The following POLD3 variants were observed in gnomAD, a reference collection of about 807,000 sequenced individuals.
POLD3 encodes the protein DNA polymerase delta subunit 3.
A neutral mutation model predicts 58.2 loss-of-function variants in POLD3; 19 were observed. The ratio of observed to expected loss-of-function variants is 0.33; its 90% CI spans 0.23 to 0.48. The LOEUF is 0.48. Among genes scored for constraint, POLD3 ranks in the 20% least tolerant of loss-of-function variants. POLD3 has a pLI of 0.99. For synonymous variants in POLD3, 172 were observed against 193.5 expected (o/e 0.89, Z 0.92); for missense variants, 504 against 545.5 (o/e 0.92, Z 0.76).
chr11:74,596,187 T>C (rs1227538911), intron 2 of POLD3, among the ~76,000 whole-genome samples: 4 of 139,732 alleles, frequency 2.9e-5, no homozygotes, highest in Admixed American at 2.2e-4. Flanking sequence ...TTTTTTTTTC[T>C]TTTTTTTTTT....
intron 4 of POLD3, among the ~76,000 whole-genome samples, chr11:74,665,258 A>G (rs935051143): frequency 6.0e-5 from 9 of 148,972 alleles, no homozygotes; most frequent in Non-Finnish European, 1.3e-4. Flanking sequence ...CAGGAAGCGG[A>G]GGTTGCAGTG....
At chr11:74,649,578 C>T (rs1565132718) in intron 4 of POLD3, among the ~76,000 whole-genome samples, 1 of 152,128 alleles carries the variant, frequency 6.6e-6, no homozygotes, top group Non-Finnish European at 1.5e-5. Context: ...AAAGCTCACC[C>T]CTAAAATACA....
At chr11:74,639,709 G>A (rs949840667) in intron 11 of POLD3, among the ~76,000 whole-genome samples, 2 of 152,196 alleles carry the variant, frequency 1.3e-5, no homozygotes, top group Non-Finnish European at 2.9e-5. Context: ...TGTCCTTTGG[G>A]GCTTGCTCAT....
chr11:74,649,262 A>G (rs1162009730), intron 4 of POLD3, among the ~76,000 whole-genome samples: 6 of 152,196 alleles, frequency 3.9e-5, no homozygotes, highest in African/African-American at 2.4e-5. Context: ...ATGCTTTCAT[A>G]TACTTTATAT....
Position 74,618,709 on chromosome 11 carries a change from C to G in POLD3, c.565C>G (p.Pro189Ala). Reference sequence around the variant, plus strand: ...TGCATCCAAGCAGGTTTCCCAGCAGCCCAAAGGAATTATGGGAATGTTTGC... The same window carrying G: ...TGCATCCAAGCAGGTTTCCCAGCAGGCCAAAGGAATTATGGGAATGTTTGC... ...PPASKQVSQQ[P>A]KGIMGMFASK... Residue 189 changes from proline (P) to alanine (A), a missense_variant, in exon 6 of 12, where the codon CCC becomes GCC. Pro to Ala is a conservative substitution (Grantham distance 27). Around this residue, in one of 2 missense-constraint regions of POLD3, gnomAD observed 385 missense variants for 370.5 expected, o/e 1.04. Transcript: ENST00000263681. 6.2e-7 allele frequency: 1 copy of G among 1,614,130 alleles called. No homozygotes were observed. Among genetic ancestry groups the G allele is most frequent in the Non-Finnish European group, 8.5e-7 (1 of 1,179,980 alleles).
intron 4 of POLD3, among the ~76,000 whole-genome samples, chr11:74,667,757 A>G (rs1215133864): frequency 6.6e-6 from 1 of 152,200 alleles, no homozygotes; most frequent in African/African-American, 2.4e-5. Context: ...ACTTCAAAGG[A>G]CACTCTCAAA....
chr11:74,615,285 C>T (rs1449795015), intron 5 of POLD3, among the ~76,000 whole-genome samples: 1 of 152,168 alleles, frequency 6.6e-6, no homozygotes, highest in East Asian at 1.9e-4. Context: ...TTAATGATAG[C>T]TGCTTTTCAA....
At chr11:74,607,008 G>A (rs139099757) in intron 3 of POLD3, among the ~76,000 whole-genome samples, 159 of 152,128 alleles carry the variant, frequency 1.0e-3, no homozygotes, top group African/African-American at 3.7e-3. Flanking sequence ...CCTCCCAATA[G>A]CCTCACTGGG....
At chr11:74,630,784 ATAC>A (rs147185042) in intron 9 of POLD3, among the ~76,000 whole-genome samples, 3,047 of 152,336 alleles carry the variant, frequency 0.02, 49 homozygotes, top group Middle Eastern at 0.054. Flanking sequence ...TATCAACTAG[ATAC>A]TCTAGTATTA....
intron 7 of POLD3, among the ~76,000 whole-genome samples, chr11:74,624,775 C>T (rs2032379324): frequency 6.6e-6 from 1 of 151,704 alleles, no homozygotes; most frequent in Non-Finnish European, 1.5e-5. Context: ...GTTCAAATCC[C>T]TACTCTTTTC....
chr11:74,665,391 AT>A (rs1202426924), intron 4 of POLD3, among the ~76,000 whole-genome samples: 3,838 of 83,114 alleles, frequency 0.046, 25 homozygotes, highest in Non-Finnish European at 0.054. Flanking sequence ...CCCTTTTATA[AT>A]TTTTTTTTTT....
chr11:74,612,355 G>A (rs2135138942), intron 4 of POLD3, among the ~76,000 whole-genome samples: 2 of 152,276 alleles, frequency 1.3e-5, no homozygotes, highest in South Asian at 4.1e-4. Flanking sequence ...AGGCACTGGG[G>A]ACATGGAACA....
At chr11:74,632,902 A>G (rs957234483) in intron 9 of POLD3, among the ~76,000 whole-genome samples, 20 of 149,996 alleles carry the variant, frequency 1.3e-4, no homozygotes, top group African/African-American at 4.7e-4. Context: ...ACACACACAC[A>G]CACACACACA....
At chr11:74,594,164 G>A (rs774910137) in intron 2 of POLD3, 48 bp downstream of exon 2, 1 of 1,132,438 alleles carries the variant, frequency 8.8e-7, no homozygotes, top group South Asian at 1.2e-5. Context: ...ATTTTTTTTT[G>A]TTTTGTTATG....
rs142675930 is a variant in POLD3 at position 74,623,667 on chromosome 11, G to A, written c.734-1741G>A. 6.1e-3 allele frequency among the ~76,000 whole-genome samples: 935 copies of A among 152,256 alleles called. 4 individuals are homozygous for A. Among genetic ancestry groups the A allele is most frequent in the Middle Eastern group, 0.014 (4 of 294 alleles). ...AACGCTTTATATGTAATAAAATTCA[G>A]CATTGATGACAAAATTTAAAGGTCA... On this transcript the variant is annotated intron_variant, in intron 7 of 11. Coordinates refer to ENST00000263681, the MANE Select transcript of POLD3 (RefSeq NM_006591.3).
chr11:74,606,855 G>A (rs997443717), intron 3 of POLD3, among the ~76,000 whole-genome samples: 3 of 152,176 alleles, frequency 2.0e-5, no homozygotes, highest in African/African-American at 4.8e-5. Context: ...GTATAAGATG[G>A]CATTTAAATT....
At chr11:74,664,927 C>T (rs1266234680) in intron 4 of POLD3, among the ~76,000 whole-genome samples, 1 of 151,054 alleles carries the variant, frequency 6.6e-6, no homozygotes, top group Admixed American at 6.9e-5. Flanking sequence ...TGCTGAAACT[C>T]TGTCTCTACT....
intron 2 of POLD3, among the ~76,000 whole-genome samples, chr11:74,598,663 C>G (rs1198064194): frequency 1.3e-5 from 2 of 152,118 alleles, no homozygotes; most frequent in Non-Finnish European, 2.9e-5. Context: ...TCTGTTGGGC[C>G]TTTAGCTGGG....
chr11:74,643,903 C>G (rs752491796), downstream of POLD3, among the ~76,000 whole-genome samples: 1 of 152,204 alleles, frequency 6.6e-6, no homozygotes, highest in Admixed American at 6.5e-5. Context: ...TTGGTTAAAA[C>G]AAGGCCGCTT....
Sources: gnomAD v4.1 joint callset for allele counts (sites outside exome capture counted in the v4.1 genomes callset) on GRCh38, gnomAD v4.1.1 for gene constraint, gnomAD v4.1.1 regional missense constraint, MANE v1.5 for transcripts, NCBI Gene and HGNC (gene_info 2026-07-23, HGNC 2026-07-21) for gene names.